The following SUSD6 variants were observed in gnomAD, a reference collection of about 807,000 sequenced individuals.
SUSD6 encodes sushi domain containing 6, also known as sushi domain-containing protein 6.
A neutral mutation model predicts 28.4 loss-of-function variants in SUSD6; 16 were observed. The observed-to-expected ratio is 0.56, with a 90% CI of 0.38 to 0.86. SUSD6 has a LOEUF of 0.86. Among genes scored for constraint, SUSD6 ranks in the 40% least tolerant of loss-of-function variants. The pLI, the probability that SUSD6 is intolerant of heterozygous loss-of-function variation, is 0.00. For synonymous variants in SUSD6, 147 were observed against 159.6 expected (o/e 0.92, Z 0.59); for missense variants, 341 against 384.2 (o/e 0.89, Z 0.94).
At chr14:69,697,987 A>C (rs2139642064) in intron 2 of SUSD6, among the ~76,000 whole-genome samples, 1 of 152,350 alleles carries the variant, frequency 6.6e-6, no homozygotes, top group Non-Finnish European at 1.5e-5. Flanking sequence ...CTCACACAAG[A>C]AATAATTTAG....
Position 69,622,107 on chromosome 14 carries a change from CA to C in SUSD6, c.-81+10283del, listed in dbSNP as rs1349883848. 3.3e-5 allele frequency among the ~76,000 whole-genome samples: 5 copies of C among 152,282 alleles called. No individual in the cohort carries two copies. The South Asian group carries it at 8.3e-4, about 25-fold the overall frequency. ...CTCCCCAAAGGAATTCTTTGCAGCA[CA>C]AAAGTTTAACACTTAATTATACATT... On this transcript the variant is annotated intron_variant, in intron 1 of 5. Coordinates refer to ENST00000342745, the MANE Select transcript of SUSD6 (RefSeq NM_014734.4).
chr14:69,618,336 A>G (rs1884988540), intron 1 of SUSD6, among the ~76,000 whole-genome samples: 1 of 152,244 alleles, frequency 6.6e-6, no homozygotes, highest in South Asian at 2.1e-4. Context: ...GATTATGTAT[A>G]TACAAATATT....
At chr14:69,656,946 A>G (rs532018344) in intron 1 of SUSD6, among the ~76,000 whole-genome samples, 1 of 152,346 alleles carries the variant, frequency 6.6e-6, no homozygotes, top group Non-Finnish European at 1.5e-5. Flanking sequence ...TTAAAGGCTC[A>G]AACTGGAGTC....
intron 2 of SUSD6, among the ~76,000 whole-genome samples, chr14:69,659,770 T>C (rs2139615532): frequency 6.6e-6 from 1 of 152,298 alleles, no homozygotes; most frequent in Admixed American, 6.5e-5. Flanking sequence ...CCACCCACCT[T>C]GGCCTCCCAA....
intron 1 of SUSD6, among the ~76,000 whole-genome samples, chr14:69,639,567 G>A (rs1885318960): frequency 6.6e-6 from 1 of 152,142 alleles, no homozygotes; most frequent in Non-Finnish European, 1.5e-5. Context: ...CACGGAGTTG[G>A]TCTGGGGACA....
intron 2 of SUSD6, among the ~76,000 whole-genome samples, chr14:69,688,347 C>A (rs1476601673): frequency 6.6e-6 from 1 of 152,190 alleles, no homozygotes; most frequent in African/African-American, 2.4e-5. Flanking sequence ...GTCCTCTGTT[C>A]TAGGCAGTTA....
chr14:69,614,302 G>GGTGATC (rs2077985739), intron 1 of SUSD6, among the ~76,000 whole-genome samples: 1 of 152,160 alleles, frequency 6.6e-6, no homozygotes, highest in Non-Finnish European at 1.5e-5. Flanking sequence ...CCTGACCTCA[G>GGTGATC]GTGATCTGCC....
chr14:69,615,968 C>T (rs1209220707), intron 1 of SUSD6, among the ~76,000 whole-genome samples: 1 of 152,196 alleles, frequency 6.6e-6, no homozygotes, highest in African/African-American at 2.4e-5. Context: ...AATTACCTGA[C>T]AGCAGTGTGC....
intron 1 of SUSD6, among the ~76,000 whole-genome samples, chr14:69,645,524 AAC>A (rs1033843906): frequency 3.9e-5 from 6 of 152,212 alleles, no homozygotes; most frequent in Non-Finnish European, 8.8e-5. Flanking sequence ...GCTTTTGCTA[AAC>A]ACAGAGTGTG....
At chr14:69,677,459 A>G (rs1418599528) in intron 2 of SUSD6, among the ~76,000 whole-genome samples, 1 of 151,870 alleles carries the variant, frequency 6.6e-6, no homozygotes, top group Non-Finnish European at 1.5e-5. Flanking sequence ...AGGCAGGAGA[A>G]TGGCATGAAC....
Position 69,711,316 on chromosome 14 carries a change from G to C in SUSD6, c.*337G>C, listed in dbSNP as rs1886460221. The C allele has an allele frequency of 2.6e-6, 1 of 381,234 alleles. No homozygotes were observed. Among genetic ancestry groups the C allele is most frequent in the Non-Finnish European group, 4.9e-6 (1 of 205,758 alleles). 23.6% of individuals were successfully genotyped at this position (381,234 alleles called of 1,614,324 possible). Reference sequence around the variant, plus strand: ...AGCTCTTTGGCGGCAGCCCCCACCAGCTCCTGTGGGCCTGAGTGCTGCTGT... The same window carrying C: ...AGCTCTTTGGCGGCAGCCCCCACCACCTCCTGTGGGCCTGAGTGCTGCTGT... On this transcript the variant is annotated 3_prime_UTR_variant, in exon 6 of 6. Transcript: ENST00000342745.
Position 69,711,285 on chromosome 14 carries a change from C to G in SUSD6, c.*306C>G, listed in dbSNP as rs1886459522. 3 of 432,274 alleles carry G rather than the reference C, an allele frequency of 6.9e-6. No homozygotes were observed. Among genetic ancestry groups the G allele is most frequent in the Non-Finnish European group, 1.3e-5 (3 of 237,670 alleles). 26.8% of individuals were successfully genotyped at this position (432,274 alleles called of 1,614,324 possible). A position where few individuals can be genotyped will look rare whatever the true frequency, so the allele number is the denominator to read the frequency against. On this transcript the variant is annotated 3_prime_UTR_variant, in exon 6 of 6. Transcript: ENST00000342745. Reference sequence around the variant, plus strand: ...CTTTTCCTAAGCCTCTGGGTCCCCTCCAGCCAGCTCTTTGGCGGCAGCCCC... The same window carrying G: ...CTTTTCCTAAGCCTCTGGGTCCCCTGCAGCCAGCTCTTTGGCGGCAGCCCC...
At chr14:69,702,033 G>T (rs1204551631) in intron 2 of SUSD6, among the ~76,000 whole-genome samples, 1 of 152,112 alleles carries the variant, frequency 6.6e-6, no homozygotes, top group Non-Finnish European at 1.5e-5. Context: ...CTGCAGGGTG[G>T]TGTGGTCTGC....
Position 69,710,988 on chromosome 14 carries a change from G to A in SUSD6, c.*9G>A. 1 of 1,613,880 alleles carries A rather than the reference G, an allele frequency of 6.2e-7. No homozygotes were observed. The highest frequency in any genetic ancestry group is 8.5e-7 in the Non-Finnish European group (1 of 1,179,800). Reference sequence around the variant, plus strand: ...TGTTGAAAGAAGCATGAGGGCAGCGGCCAGCCTTTCCTCTCTGCGAGGTTC... The same window carrying A: ...TGTTGAAAGAAGCATGAGGGCAGCGACCAGCCTTTCCTCTCTGCGAGGTTC... On this transcript the variant is annotated 3_prime_UTR_variant, in exon 6 of 6. Transcript: ENST00000342745.
At chr14:69,640,104 A>G (rs1052268459) in intron 1 of SUSD6, among the ~76,000 whole-genome samples, 4 of 151,618 alleles carry the variant, frequency 2.6e-5, no homozygotes, top group Admixed American at 1.3e-4. Context: ...ACTATTAACT[A>G]TAGACTCCCG....
intron 2 of SUSD6, among the ~76,000 whole-genome samples, chr14:69,677,389 C>CA (rs371196545): frequency 0.17 from 25,662 of 151,360 alleles, 2,880 homozygotes; most frequent in Non-Finnish European, 0.25. Context: ...ACTAAAAATA[C>CA]AAAAAAAATT....
chr14:69,652,948 G>T (rs148510456), intron 1 of SUSD6, among the ~76,000 whole-genome samples: 10 of 152,276 alleles, frequency 6.6e-5, no homozygotes, highest in Non-Finnish European at 1.5e-4. Flanking sequence ...TAAGCCCCAG[G>T]TGTTTCTAGT....
intron 2 of SUSD6, among the ~76,000 whole-genome samples, chr14:69,702,787 G>A (rs1314535533): frequency 6.6e-6 from 1 of 152,178 alleles, no homozygotes; most frequent in Non-Finnish European, 1.5e-5. Flanking sequence ...GGGAGGTGAA[G>A]GTGCTTTTGA....
In SUSD6 at chr14:69,642,442, T is replaced by C. The variant is rs1289384841; in HGVS notation, c.-80-16071T>C. Reference sequence around the variant, plus strand: ...TCAAGACTGGGAAGAAAAAGAGGTTTGATTGGACTTACAGTTCCACATGGC... The same window carrying C: ...TCAAGACTGGGAAGAAAAAGAGGTTCGATTGGACTTACAGTTCCACATGGC... On this transcript the variant is annotated intron_variant, in intron 1 of 5. Coordinates refer to ENST00000342745, the MANE Select transcript of SUSD6 (RefSeq NM_014734.4). 2.0e-5 allele frequency among the ~76,000 whole-genome samples: 3 copies of C among 152,336 alleles called. No individual in the cohort carries two copies. In the East Asian group the frequency reaches 5.8e-4, roughly 29 times the overall value.
Sources: allele counts gnomAD v4.1 joint callset (sites outside exome capture counted in the v4.1 genomes callset), GRCh38; gene constraint gnomAD v4.1.1; transcripts MANE v1.5; gene names NCBI Gene and HGNC (gene_info 2026-07-23, HGNC 2026-07-21).